NAPEPLD: variants seen among roughly 807,000 people sequenced by gnomAD.
NAPEPLD encodes the protein N-acyl-phosphatidylethanolamine-hydrolyzing phospholipase D.
A neutral mutation model predicts 38.1 loss-of-function variants in NAPEPLD; 23 were observed. The ratio of observed to expected loss-of-function variants is 0.60; its 90% CI spans 0.43 to 0.86. The LOEUF (loss-of-function observed/expected upper bound fraction) is 0.86, where lower values mean the gene tolerates loss of function less well. NAPEPLD is among the 40% of genes least tolerant of loss of function. NAPEPLD has a pLI of 0.00. For synonymous variants in NAPEPLD, 147 were observed against 162.0 expected, an observed-to-expected ratio of 0.91 and a Z score of 0.71; for missense variants, 411 against 476.8, an observed-to-expected ratio of 0.86 and a Z score of 1.28.
chr7:103,146,722 C>T (rs76632071), intron 1 of NAPEPLD, among the ~76,000 whole-genome samples: 2,115 of 152,204 alleles, frequency 0.014, 48 homozygotes, highest in African/African-American at 0.047. Context: ...GTGTTGCTGA[C>T]CAACGCTTGC....
intron 1 of NAPEPLD, among the ~76,000 whole-genome samples, chr7:103,132,445 A>G (rs943332948): frequency 2.0e-4 from 31 of 152,060 alleles, no homozygotes. Flanking sequence ...GTTGGTCAGG[A>G]GGAGAGTGGG....
chr7:103,120,284 T>G (rs1806390611), intron 2 of NAPEPLD, 61 bp from the exon 3 acceptor site: 3 of 1,509,564 alleles, frequency 2.0e-6, no homozygotes, highest in African/African-American at 2.8e-5. Context: ...TATATCATCA[T>G]AGTCCACATT....
intron 1 of NAPEPLD, among the ~76,000 whole-genome samples, chr7:103,137,143 T>C (rs891529936): frequency 1.3e-5 from 2 of 152,214 alleles, no homozygotes; most frequent in Admixed American, 6.5e-5. Flanking sequence ...TTCACCATGT[T>C]GGCCAGGCTG....
intron 2 of NAPEPLD, among the ~76,000 whole-genome samples, chr7:103,122,125 C>T (rs1381836442): frequency 6.9e-6 from 1 of 144,480 alleles, no homozygotes. Flanking sequence ...TTTGTAGAGA[C>T]AGGGTGGGTT....
At chr7:103,143,566 G>C (rs935125154) in intron 1 of NAPEPLD, among the ~76,000 whole-genome samples, 4 of 152,058 alleles carry the variant, frequency 2.6e-5, no homozygotes, top group Admixed American at 6.6e-5. Flanking sequence ...TAAGGGAAAG[G>C]GAGGCATTCT....
upstream of NAPEPLD, chr7:103,149,410 A>C (rs1229359787): frequency 2.2e-5 from 27 of 1,217,682 alleles, no homozygotes; most frequent in Non-Finnish European, 2.8e-5. Flanking sequence ...TCCTAACCCG[A>C]GCCCGCCGCG....
At chr7:103,149,578 C>T (rs1349866371), upstream of NAPEPLD, 4 of 1,026,834 alleles carry the variant, frequency 3.9e-6, no homozygotes, top group East Asian at 4.0e-4. Flanking sequence ...CTCTCCAGCC[C>T]TTACCAAGAT....
rs1802191554 is a variant in NAPEPLD at position 103,100,153 on chromosome 7, C to A, written c.*3276G>T. On this transcript the variant is annotated 3_prime_UTR_variant, in exon 5 of 5. Coordinates refer to ENST00000465647, the MANE Select transcript of NAPEPLD (RefSeq NM_001122838.3). ...ATATTTTTACATTAGAAAAAGGACTCAGTATAAGGTGAAAACAAAATTCCC... is the reference window on the plus strand; with the variant it reads ...ATATTTTTACATTAGAAAAAGGACTAAGTATAAGGTGAAAACAAAATTCCC... 1 of 152,066 alleles carries A rather than the reference C, an allele frequency of 6.6e-6. No homozygotes were observed. Among genetic ancestry groups the A allele is most frequent in the Non-Finnish European group, 1.5e-5 (1 of 68,000 alleles). The allele number at this position is 152,066 out of a possible 1,614,324, so 9.4% of individuals were successfully genotyped here. A position where few individuals can be genotyped will look rare whatever the true frequency, so the allele number is the denominator to read the frequency against.
At chr7:103,125,643 G>C (rs1355565301) in intron 2 of NAPEPLD, among the ~76,000 whole-genome samples, 3 of 152,252 alleles carry the variant, frequency 2.0e-5, no homozygotes, top group African/African-American at 7.2e-5. Context: ...AGCACTTTGG[G>C]AAGCCGGGGC....
chr7:103,135,576 T>TA lies in NAPEPLD; in HGVS notation c.-16-6785dup, dbSNP rs1225966628. On this transcript the variant is annotated intron_variant, in intron 1 of 4. Transcript: ENST00000465647. ...ACTGAACTTCATTCTTACCACACTTTATTGACTTAGCAAAACAACCAGTTT... is the reference window on the plus strand; with the variant it reads ...ACTGAACTTCATTCTTACCACACTTTAATTGACTTAGCAAAACAACCAGTTT... 1.3e-4 allele frequency among the ~76,000 whole-genome samples: 20 copies of TA among 152,280 alleles called. No individual in the cohort carries two copies. The East Asian group carries it at 3.7e-3, about 28-fold the overall frequency.
At chr7:103,136,224 G>A (rs1810026915) in intron 1 of NAPEPLD, among the ~76,000 whole-genome samples, 1 of 151,642 alleles carries the variant, frequency 6.6e-6, no homozygotes, top group Non-Finnish European at 1.5e-5. Context: ...CTGAGATCAT[G>A]CCACCGCACT....
chr7:103,114,059 T>C (rs1169866653), intron 4 of NAPEPLD, among the ~76,000 whole-genome samples: 1 of 151,288 alleles, frequency 6.6e-6, no homozygotes, highest in Non-Finnish European at 1.5e-5. Context: ...CCACCACGCC[T>C]GGCTATTTTG....
In NAPEPLD at chr7:103,125,917, T is replaced by TAATAATA. The variant is rs1554536784; in HGVS notation, c.294+2565_294+2566insTATTATT. On this transcript the variant is annotated intron_variant, in intron 2 of 4. Coordinates refer to ENST00000465647, the MANE Select transcript of NAPEPLD (RefSeq NM_001122838.3). ...ATAATAATAATAATAATAATAATAA[T>TAATAATA]AATAAATAAAAATGAAACAAATTCT... Among the ~76,000 whole-genome samples, 22 of 146,326 alleles carry TAATAATA rather than the reference T, an allele frequency of 1.5e-4. No homozygotes were observed. The East Asian group carries it at 2.4e-3, about 16-fold the overall frequency.
chr7:103,142,511 T>C (rs1811633623), intron 1 of NAPEPLD, among the ~76,000 whole-genome samples: 2 of 151,652 alleles, frequency 1.3e-5, no homozygotes, highest in African/African-American at 4.8e-5. Flanking sequence ...GAGGCTGAAG[T>C]GGGAGAATCA....
In NAPEPLD at chr7:103,119,681, A is replaced by C. The variant is rs1806239937; in HGVS notation, c.837T>G (p.Phe279Leu). Residue 279 changes from phenylalanine to leucine, a missense_variant, in exon 3 of 5, where the codon TTT becomes TTG. Phe to Leu is a conservative substitution (Grantham distance 22, BLOSUM62 0). Coordinates refer to ENST00000465647, the MANE Select transcript of NAPEPLD (RefSeq NM_001122838.3). ...SWSVLGPWNRFFFAGDTGYCP... is the reference protein window; with the variant it reads ...SWSVLGPWNRLFFAGDTGYCP... The stretch of plus-strand genomic sequence containing the variant: ...AATAACCAGTATCTCCTGCGAAAAA[A>C]AATCGATTCCAAGGCCCCAAGACAG... The C allele has an allele frequency of 1.2e-6, 2 of 1,614,044 alleles. No homozygotes were observed. Among genetic ancestry groups the C allele is most frequent in the Admixed American group, 1.7e-5 (1 of 59,988 alleles).
Position 103,103,173 on chromosome 7 carries a change from C to A in NAPEPLD, c.*256G>T. ...TAGTAAAAACATTTCCATTGCAGTG[C>A]TTATATCATGATATGAAATTTAAAA... On this transcript the variant is annotated 3_prime_UTR_variant, in exon 5 of 5. Coordinates refer to ENST00000465647, the MANE Select transcript of NAPEPLD (RefSeq NM_001122838.3). 3.7e-6 allele frequency: 1 copy of A among 268,414 alleles called. No individual in the cohort carries two copies. The highest frequency in any genetic ancestry group is 6.9e-6 in the Non-Finnish European group (1 of 144,534). The allele number at this position is 268,414 out of a possible 1,614,324, so 16.6% of individuals were successfully genotyped here. A position where few individuals can be genotyped will look rare whatever the true frequency, so the allele number is the denominator to read the frequency against.
At position 103,137,075 on chromosome 7, in the gene NAPEPLD, G is replaced by T. The variant is rs184523985; in HGVS notation, c.-16-8283C>A. On this transcript the variant is annotated intron_variant, in intron 1 of 4. Coordinates refer to ENST00000465647, the MANE Select transcript of NAPEPLD (RefSeq NM_001122838.3). ...CTGCCTCAGCCTCCCAAATAGCTGG[G>T]ATTACAGGTGCCCGCCACCATGCCC... Among the ~76,000 whole-genome samples the T allele has an allele frequency of 6.2e-3, 948 of 152,258 alleles. 4 individuals carry two copies. Among genetic ancestry groups the T allele is most frequent in the Non-Finnish European group, 9.3e-3 (630 of 68,024 alleles).
intron 1 of NAPEPLD, among the ~76,000 whole-genome samples, chr7:103,134,177 A>G (rs1809554633): frequency 6.6e-6 from 1 of 152,206 alleles, no homozygotes; most frequent in South Asian, 2.1e-4. Flanking sequence ...AGGAGTGAAA[A>G]CATTGCTCTT....
At chr7:103,121,305 T>C (rs1194267409) in intron 2 of NAPEPLD, among the ~76,000 whole-genome samples, 1 of 152,216 alleles carries the variant, frequency 6.6e-6, no homozygotes, top group Admixed American at 6.5e-5. Flanking sequence ...GGTTGCAGCA[T>C]CACAGTCCTG....
Sources: allele counts gnomAD v4.1 joint callset (sites outside exome capture counted in the v4.1 genomes callset), GRCh38; gene constraint gnomAD v4.1.1; transcripts MANE v1.5; gene names NCBI Gene and HGNC (gene_info 2026-07-23, HGNC 2026-07-21).